Variants in LAMB4 observed in about 807,000 individuals in gnomAD.
LAMB4 encodes laminin subunit beta 4.
LAMB4 carries 196 observed loss-of-function variants against 199.2 expected under a neutral mutation model. That is an observed-to-expected ratio of 0.98 (90% confidence interval 0.88 to 1.11). LAMB4 has a LOEUF of 1.11. Ranked by LOEUF, LAMB4 falls within the 50% of genes least tolerant of loss-of-function variation. The pLI is 0.00. For missense variants in LAMB4, 2,080 were observed against 2,171.2 expected (o/e 0.96, Z 0.83); for synonymous variants, 744 against 770.6 (o/e 0.97, Z 0.57).
intron 14 of LAMB4, among the ~76,000 whole-genome samples, chr7:108,081,793 G>T (rs1385671627): frequency 6.6e-6 from 1 of 152,142 alleles, no homozygotes; most frequent in Non-Finnish European, 1.5e-5. Flanking sequence ...AGTATTTCTG[G>T]CACTGAAAGA....
chr7:108,122,034 T>A (rs1364959486), intron 2 of LAMB4, among the ~76,000 whole-genome samples: 3 of 152,318 alleles, frequency 2.0e-5, no homozygotes, highest in African/African-American at 7.2e-5. Flanking sequence ...TATTTAGAAA[T>A]GTACGATTGA....
rs528604497 is a variant in LAMB4 at position 108,091,364 on chromosome 7, C to A, written c.1701+262G>T. Among the ~76,000 whole-genome samples, 137 of 152,272 alleles carry A rather than the reference C, an allele frequency of 9.0e-4. 3 individuals are homozygous for A. Among genetic ancestry groups the A allele is most frequent in the Non-Finnish European group, 1.0e-3 (68 of 68,020 alleles). On this transcript the variant is annotated intron_variant, in intron 14 of 33. Transcript: ENST00000388781. ...TACCTTGAAACAGCAAAAGTAAAGT[C>A]TGTTTCATCATAATTTGATCCGTTC...
At chr7:108,064,688 G>A (rs1036996469) in intron 21 of LAMB4, among the ~76,000 whole-genome samples, 10 of 152,078 alleles carry the variant, frequency 6.6e-5, no homozygotes, top group African/African-American at 2.4e-4. Flanking sequence ...CCATGCATTG[G>A]GAAAGAGGCT....
chr7:108,060,906 C>T lies in LAMB4; in HGVS notation c.3282+1868G>A, dbSNP rs575772536. Among the ~76,000 whole-genome samples, 21 of 152,242 alleles carry T rather than the reference C, an allele frequency of 1.4e-4. No homozygotes were observed. In the South Asian group the frequency reaches 4.2e-3, roughly 30 times the overall value. ...TAGGTTGCACATAGTGACTTCCTTCCGTAGAGCACAGTAGAAGAAGGAGGA... is the reference window on the plus strand; with the variant it reads ...TAGGTTGCACATAGTGACTTCCTTCTGTAGAGCACAGTAGAAGAAGGAGGA... On this transcript the variant is annotated intron_variant, in intron 23 of 33. Transcript: ENST00000388781.
In LAMB4 at chr7:108,043,758, A is replaced by G; in HGVS notation, c.4465T>C (p.Leu1489=). Reference sequence around the variant, plus strand: ...ATATATATTTTTAAATTACCTAACAAAAAGTTTTTCACTTTTTTGATGAAA... The same window carrying G: ...ATATATATTTTTAAATTACCTAACAGAAAGTTTTTCACTTTTTTGATGAAA... ...NLFIKKVKNF[L]LEENVPPEDI... Residue 1489 remains leucine (L), a synonymous_variant, in exon 29 of 34, where the codon TTG becomes CTG. Coordinates refer to ENST00000388781, the MANE Select transcript of LAMB4 (RefSeq NM_007356.3). The G allele has an allele frequency of 6.4e-7, 1 of 1,572,098 alleles. No homozygotes were observed. Among genetic ancestry groups the G allele is most frequent in the Non-Finnish European group, 8.7e-7 (1 of 1,154,888 alleles).
chr7:108,097,648 G>A (rs1038098982), intron 11 of LAMB4, among the ~76,000 whole-genome samples: 4 of 152,126 alleles, frequency 2.6e-5, no homozygotes, highest in Admixed American at 2.6e-4. Context: ...AGCCGGGCGT[G>A]GTGGCAGGCG....
intron 29 of LAMB4, among the ~76,000 whole-genome samples, chr7:108,038,488 A>G (rs931988183): frequency 1.3e-5 from 2 of 152,136 alleles, no homozygotes; most frequent in Non-Finnish European, 2.9e-5. Context: ...TCCATGCTCT[A>G]CTTTCCAGAA....
At chr7:108,085,425 T>C (rs1462005975) in intron 14 of LAMB4, among the ~76,000 whole-genome samples, 1 of 152,206 alleles carries the variant, frequency 6.6e-6, no homozygotes. Context: ...TTCATACTAA[T>C]AATTTTAAAT....
At chr7:108,119,628 G>A (rs773205425) in intron 2 of LAMB4, among the ~76,000 whole-genome samples, 4 of 150,516 alleles carry the variant, frequency 2.7e-5, no homozygotes, top group Non-Finnish European at 5.9e-5. Context: ...GGAGGGAGGT[G>A]GATGTGGCTA....
chr7:108,127,189 G>GTTT lies in LAMB4; in HGVS notation c.-34+3114_-34+3116dup, dbSNP rs758228106. Among the ~76,000 whole-genome samples the GTTT allele has an allele frequency of 1.4e-3, 98 of 69,074 alleles. 2 individuals are homozygous for GTTT. Among genetic ancestry groups the GTTT allele is most frequent in the Middle Eastern group, 0.014 (2 of 144 alleles). 45.3% of individuals were successfully genotyped at this position (69,074 alleles called of 152,430 possible). A position where few individuals can be genotyped will look rare whatever the true frequency, so the allele number is the denominator to read the frequency against. Reference sequence around the variant, plus strand: ...AAATCACCAGGGTTTTTTTTTTTGTGTTTTTTTTTTTTTTTTGAATCCTGC... The same window carrying GTTT: ...AAATCACCAGGGTTTTTTTTTTTGTGTTTTTTTTTTTTTTTTTTTGAATCCTGC... On this transcript the variant is annotated intron_variant, in intron 1 of 33. Coordinates refer to ENST00000388781, the MANE Select transcript of LAMB4 (RefSeq NM_007356.3).
intron 29 of LAMB4, 40 bp downstream of exon 29, chr7:108,043,712 A>G: frequency 7.0e-7 from 1 of 1,419,616 alleles, no homozygotes; most frequent in Non-Finnish European, 9.6e-7. Flanking sequence ...TAAAAAGGGA[A>G]AAAAACAAAA....
chr7:108,072,774 C>G (rs1251817933), intron 17 of LAMB4, among the ~76,000 whole-genome samples: 1 of 152,094 alleles, frequency 6.6e-6, no homozygotes, highest in Non-Finnish European at 1.5e-5. Context: ...GAAATTTGTT[C>G]AGTAAAGAAT....
At chr7:108,099,787 AG>A (rs1242664615) in intron 10 of LAMB4, among the ~76,000 whole-genome samples, 2 of 152,248 alleles carry the variant, frequency 1.3e-5, no homozygotes, top group African/African-American at 4.8e-5. Flanking sequence ...TAGTGAGTTT[AG>A]TGGAAACAAT....
intron 14 of LAMB4, among the ~76,000 whole-genome samples, chr7:108,083,013 C>A (rs1156285162): frequency 6.6e-6 from 1 of 152,180 alleles, no homozygotes; most frequent in Admixed American, 6.5e-5. Flanking sequence ...ATTAATACAG[C>A]CTCTGGAACA....
At chr7:108,024,755 G>A (rs560237645) in intron 33 of LAMB4, among the ~76,000 whole-genome samples, 3 of 142,890 alleles carry the variant, frequency 2.1e-5, no homozygotes, top group African/African-American at 6.0e-5. Context: ...CCGTCCATCC[G>A]TCCATCCATC....
chr7:108,038,481 A>T (rs2035308255), intron 29 of LAMB4, among the ~76,000 whole-genome samples: 2 of 152,298 alleles, frequency 1.3e-5, no homozygotes, highest in South Asian at 4.1e-4. Flanking sequence ...AAATACATCC[A>T]TGCTCTACTT....
In LAMB4 at chr7:108,069,747, T is replaced by C; in HGVS notation, c.2263A>G (p.Ile755Val). 6.2e-7 allele frequency: 1 copy of C among 1,613,942 alleles called. No individual in the cohort carries two copies. Among genetic ancestry groups the C allele is most frequent in the Non-Finnish European group, 8.5e-7 (1 of 1,179,842 alleles). Residue 755 changes from isoleucine (I) to valine (V), a missense_variant, in exon 18 of 34, where the codon ATC (isoleucine) becomes GTC (valine). By Grantham distance (29) the Ile-to-Val change is conservative (BLOSUM62 3). Coordinates refer to ENST00000388781, the MANE Select transcript of LAMB4 (RefSeq NM_007356.3). ...TGCAGCTTGGCAGACATGCTGATGATCAGCCTTTCACAGGCACCCGGGAGC... is the reference window on the plus strand; with the variant it reads ...TGCAGCTTGGCAGACATGCTGATGACCAGCCTTTCACAGGCACCCGGGAGC... Reference protein sequence around the residue: ...QVLPGACERLIISMSAKLHDG... With the variant: ...QVLPGACERLVISMSAKLHDG...
chr7:108,094,624 G>C (rs995731747), intron 12 of LAMB4, among the ~76,000 whole-genome samples: 6 of 151,538 alleles, frequency 4.0e-5, no homozygotes, highest in Non-Finnish European at 2.9e-5. Context: ...GCCAAGATTG[G>C]AGAACAAAGA....
intron 17 of LAMB4, among the ~76,000 whole-genome samples, chr7:108,071,934 CT>C (rs546301703): frequency 0.15 from 21,346 of 145,706 alleles, 2,296 homozygotes; most frequent in African/African-American, 0.31. Context: ...AAAATCTGAA[CT>C]TTTTTTTTTT....
Sources: allele counts gnomAD v4.1 joint callset (sites outside exome capture counted in the v4.1 genomes callset), GRCh38; gene constraint gnomAD v4.1.1; transcripts MANE v1.5; gene names NCBI Gene and HGNC (gene_info 2026-07-23, HGNC 2026-07-21).